The following TRPV2 variants were observed in gnomAD, a reference collection of about 807,000 sequenced individuals.
TRPV2 encodes OTRPC2.
TRPV2 carries 58 observed loss-of-function variants against 91.0 expected under a neutral mutation model. The ratio of observed to expected loss-of-function variants is 0.64; its 90% CI spans 0.52 to 0.79. The LOEUF is 0.79. TRPV2 is among the 30% of genes least tolerant of loss of function. TRPV2 has a pLI of 0.00. For synonymous variants in TRPV2, 417 were observed against 414.8 expected (o/e 1.01, Z -0.06); for missense variants, 807 against 969.6 (o/e 0.83, Z 2.23).
chr17:16,431,256 C>CATATATATATATATAT (rs60066961), intron 10 of TRPV2, among the ~76,000 whole-genome samples: 32 of 67,794 alleles, frequency 4.7e-4, no homozygotes, highest in African/African-American at 1.8e-3. Context: ...TGATCTGAGA[C>CATATATATATATATAT]ATATATATAT....
intron 13 of TRPV2, chr17:16,434,631 GT>G (rs1429241983): frequency 3.8e-5 from 17 of 450,422 alleles, no homozygotes; most frequent in Non-Finnish European, 5.5e-5. Flanking sequence ...TTCTCTGGTT[GT>G]TCTGGGCAAC....
chr17:16,435,825 C>T lies in TRPV2; in HGVS notation c.2194+856C>T, dbSNP rs7208718. 0.35 allele frequency among the ~76,000 whole-genome samples: 53,007 copies of T among 151,996 alleles called. 9,633 individuals carry two copies. Among genetic ancestry groups the T allele is most frequent in the Non-Finnish European group, 0.38 (25,708 of 67,940 alleles). On this transcript the variant is annotated intron_variant, in intron 14 of 14. Transcript: ENST00000338560. The surrounding 1 kb of genome is among the most constrained non-coding windows in gnomAD (Gnocchi z 4.2). ...CTGCTGGTTTCCCAGGCTCCTGGGCCGTGACCACTGCCTCACATACAGATA... is the reference window on the plus strand; with the variant it reads ...CTGCTGGTTTCCCAGGCTCCTGGGCTGTGACCACTGCCTCACATACAGATA...
chr17:16,423,837 A>G, intron 5 of TRPV2, 70 bp downstream of exon 5: 2 of 1,462,686 alleles, frequency 1.4e-6, no homozygotes, highest in Admixed American at 2.3e-5. Flanking sequence ...ATTTCTGCAG[A>G]AAGAACCCAG....
Position 16,423,739 on chromosome 17 carries a change from A to G in TRPV2, c.896A>G (p.Lys299Arg). ...IRNLQDLTPL[K>R]LAAKEGKIEI... ...AACCTGCAGGATCTCACGCCTCTGA[A>G]GCTGGCCGCCAAGGAGGGCAAGATC... is the stretch of plus-strand genomic sequence containing the variant. Residue 299 changes from lysine (K) to arginine (R), a missense_variant, in exon 5 of 15, where the codon AAG becomes AGG. Lys to Arg is a conservative substitution (Grantham distance 26, BLOSUM62 2). Transcript: ENST00000338560. 1.3e-6 allele frequency: 2 copies of G among 1,592,490 alleles called. No homozygotes were observed.
intron 5 of TRPV2, 84 bp downstream of exon 5, chr17:16,423,851 G>T (rs925628829): frequency 3.6e-6 from 5 of 1,390,486 alleles, no homozygotes; most frequent in Non-Finnish European, 3.8e-6. Flanking sequence ...AACCCAGGGG[G>T]TGGTGAAGAG....
At chr17:16,428,671 C>A in intron 9 of TRPV2, 146 bp from the exon 10 acceptor site, 1 of 858,018 alleles carries the variant, frequency 1.2e-6, no homozygotes, top group Non-Finnish European at 1.8e-6. Context: ...TATTATTATG[C>A]CCATTTTACA....
chr17:16,427,446 C>T lies in TRPV2; in HGVS notation c.1252-3C>T. Reference sequence around the variant, plus strand: ...CCTAGGTCTCATCTGAGTGTGTCTTCAGCAGGCCGCCCCTCACCTGAAAGC... The same window carrying T: ...CCTAGGTCTCATCTGAGTGTGTCTTTAGCAGGCCGCCCCTCACCTGAAAGC... On this transcript the variant is annotated splice_region_variant and splice_polypyrimidine_tract_variant and intron_variant, in intron 7 of 14. Transcript: ENST00000338560. 8 of 1,613,502 alleles carry T rather than the reference C, an allele frequency of 5.0e-6. No individual in the cohort carries two copies. Among genetic ancestry groups the T allele is most frequent in the Non-Finnish European group, 6.8e-6 (8 of 1,179,650 alleles).
Position 16,432,076 on chromosome 17 carries a change from C to T in TRPV2, c.1765C>T (p.Gln589Ter). The stretch of plus-strand genomic sequence containing the variant: ...ACAGGAGGACGAGGGCAACGGGGCC[C>T]AGTACAGGGGTATCCTGGAAGCCTC... ...EGQEDEGNGAQYRGILEASLE... is the reference protein window; with the variant it reads ...EGQEDEGNGA Residue 589 changes from glutamine (Q) to a stop codon, truncating the protein, a stop_gained, in exon 12 of 15, where the codon CAG becomes TAG. Coordinates refer to ENST00000338560, the MANE Select transcript of TRPV2 (RefSeq NM_016113.5). LOFTEE classifies it high-confidence loss of function. 4 of 1,614,066 alleles carry T rather than the reference C, an allele frequency of 2.5e-6. No homozygotes were observed. The highest frequency in any genetic ancestry group is 3.4e-6 in the Non-Finnish European group (4 of 1,179,916).
chr17:16,427,832 C>T (rs1455236025), intron 8 of TRPV2, among the ~76,000 whole-genome samples: 1 of 152,204 alleles, frequency 6.6e-6, no homozygotes, highest in Non-Finnish European at 1.5e-5. Context: ...CTGCCCCTAG[C>T]CAGGCCCCTC....
chr17:16,428,737 G>A (rs2093396445), intron 9 of TRPV2, 80 bp from the exon 10 acceptor site: 1 of 1,554,970 alleles, frequency 6.4e-7, no homozygotes. Flanking sequence ...ATGGAGGTCA[G>A]GACCTTGGTC....
Position 16,417,742 on chromosome 17 carries a change from C to A in TRPV2, c.74C>A (p.Ala25Glu). 1 of 1,614,186 alleles carries A rather than the reference C, an allele frequency of 6.2e-7. No individual in the cohort carries two copies. The highest frequency in any genetic ancestry group is 8.5e-7 in the Non-Finnish European group (1 of 1,180,028). ...LDGGQEDGSE[A>E]DRGKLDFGSG... is the part of the protein sequence containing the mutation. ...GGAGGCCAAGAAGATGGCTCTGAGGCGGACAGAGGAAAGCTGGATTTTGGG... is the reference window on the plus strand; with the variant it reads ...GGAGGCCAAGAAGATGGCTCTGAGGAGGACAGAGGAAAGCTGGATTTTGGG... The change falls in exon 2 of 15, where the codon GCG becomes GAG. Residue 25 changes from alanine to glutamate, a missense_variant. By Grantham distance (107) the Ala-to-Glu change is moderately radical (BLOSUM62 -1). Transcript: ENST00000338560.
rs11657598 is a variant in TRPV2 at position 16,417,664 on chromosome 17, C to G, written c.-5C>G. On this transcript the variant is annotated 5_prime_UTR_variant, in exon 2 of 15. Coordinates refer to ENST00000338560, the MANE Select transcript of TRPV2 (RefSeq NM_016113.5). Reference sequence around the variant, plus strand: ...GGCTGGACCGAGCAGCCTCCTCCTCCTAGGATGACCTCACCCTCCAGCTCT... The same window carrying G: ...GGCTGGACCGAGCAGCCTCCTCCTCGTAGGATGACCTCACCCTCCAGCTCT... 2 of 1,613,222 alleles carry G rather than the reference C, an allele frequency of 1.2e-6. No individual in the cohort carries two copies. Among genetic ancestry groups the G allele is most frequent in the Non-Finnish European group, 1.7e-6 (2 of 1,179,566 alleles).
intron 10 of TRPV2, among the ~76,000 whole-genome samples, chr17:16,431,293 T>A (rs1247071820): frequency 0.06 from 2,690 of 44,638 alleles, 91 homozygotes; most frequent in Non-Finnish European, 0.071. Context: ...ATATACATAT[T>A]TTTTTTTTTT....
intron 3 of TRPV2, among the ~76,000 whole-genome samples, chr17:16,420,817 T>C (rs2093353102): frequency 1.3e-5 from 2 of 152,206 alleles, no homozygotes; most frequent in Non-Finnish European, 2.9e-5. Context: ...GGTTTTGCCA[T>C]GTTGCCCAGG....
Position 16,417,710 on chromosome 17 carries a change from A to T in TRPV2, c.42A>T (p.Thr14=), listed in dbSNP as rs140791443. 174 of 1,614,190 alleles carry T rather than the reference A, an allele frequency of 1.1e-4. No homozygotes were observed. The African/African-American group carries it at 1.7e-3, about 16-fold the overall frequency. ...PSSSPVFRLE[T]LDGGQEDGSE... ...GCTCTCCAGTTTTCAGGTTGGAGACATTAGATGGAGGCCAAGAAGATGGCT... is the reference window on the plus strand; with the variant it reads ...GCTCTCCAGTTTTCAGGTTGGAGACTTTAGATGGAGGCCAAGAAGATGGCT... The change falls in exon 2 of 15, where the codon ACA becomes ACT. Residue 14 remains threonine (T), a synonymous_variant. Coordinates refer to ENST00000338560, the MANE Select transcript of TRPV2 (RefSeq NM_016113.5).
chr17:16,430,005 C>A (rs943996877), intron 10 of TRPV2, among the ~76,000 whole-genome samples: 1 of 151,970 alleles, frequency 6.6e-6, no homozygotes, highest in Non-Finnish European at 1.5e-5. Flanking sequence ...GCTGGGGTTG[C>A]AGGCACCCAC....
chr17:16,429,184 A>G (rs979794752), intron 10 of TRPV2, among the ~76,000 whole-genome samples: 5 of 152,208 alleles, frequency 3.3e-5, no homozygotes, highest in African/African-American at 9.6e-5. Context: ...ACAAACGTAC[A>G]TATGTGTGTT....
intron 8 of TRPV2, 144 bp downstream of exon 8, chr17:16,427,691 G>C: frequency 2.7e-6 from 2 of 747,236 alleles, no homozygotes; most frequent in Non-Finnish European, 4.1e-6. Flanking sequence ...AGGGCCAGAG[G>C]TTCTGGCCTT....
intron 1 of TRPV2, chr17:16,416,347 C>A: frequency 6.4e-6 from 1 of 155,424 alleles, no homozygotes. Context: ...CCCCCTGCCC[C>A]CTTCTCCACC....
Sources: gnomAD v4.1 joint callset for allele counts (sites outside exome capture counted in the v4.1 genomes callset) on GRCh38, gnomAD v4.1.1 for gene constraint, Gnocchi (gnomAD v3.1) non-coding constraint, MANE v1.5 for transcripts, NCBI Gene and HGNC (gene_info 2026-07-23, HGNC 2026-07-21) for gene names.